MMP25: variants seen among roughly 807,000 people sequenced by gnomAD.
The protein encoded by MMP25 is matrix metallopeptidase 25, also known as matrix metalloproteinase-25.
In MMP25, 68 loss-of-function variants were observed where a neutral mutation model predicts 62.1. That is an observed-to-expected ratio of 1.10 (90% CI 0.90 to 1.34). The LOEUF (loss-of-function observed/expected upper bound fraction) is 1.34. Ranked by LOEUF, MMP25 falls within the 40% of genes most tolerant of loss-of-function variation. The pLI, the probability that MMP25 is intolerant of heterozygous loss-of-function variation, is 0.00. For synonymous variants in MMP25, 407 were observed against 345.6 expected (o/e 1.18, Z -1.97); for missense variants, 942 against 792.5 (o/e 1.19, Z -2.26).
chr16:3,052,437 A>G (rs1354626360), intron 4 of MMP25: 1 of 152,360 alleles, frequency 6.6e-6, no homozygotes, highest in Non-Finnish European at 1.5e-5. Flanking sequence ...GGGGTTTTGC[A>G]TTCCGGAACT....
At position 3,060,083 on chromosome 16, in the gene MMP25, C is replaced by T. The variant is rs541904141; in HGVS notation, c.*985C>T. On this transcript the variant is annotated 3_prime_UTR_variant, in exon 10 of 10. Transcript: ENST00000336577. Reference sequence around the variant, plus strand: ...GGTCATTGCCTCCTCAGCACTCCCTCCTGGGAGGCCTTAGCTCTAGAGTGA... The same window carrying T: ...GGTCATTGCCTCCTCAGCACTCCCTTCTGGGAGGCCTTAGCTCTAGAGTGA... 1 of 152,400 alleles carries T rather than the reference C, an allele frequency of 6.6e-6. No homozygotes were observed. Among genetic ancestry groups the T allele is most frequent in the South Asian group, 2.1e-4 (1 of 4,828 alleles). 9.4% of individuals were successfully genotyped at this position (152,400 alleles called of 1,614,324 possible).
chr16:3,058,682 G>A lies in MMP25; in HGVS notation c.1417+13G>A, dbSNP rs1045292397. On this transcript the variant is annotated intron_variant, in intron 9 of 9. Transcript: ENST00000336577. ...GTCAGCAACGCAGGTGGGGAGCGCG[G>A]TGACCTGCGGGTTACTGGGCCTGGG... 3.0e-5 allele frequency: 47 copies of A among 1,588,190 alleles called. No individual in the cohort carries two copies. The highest frequency in any genetic ancestry group is 3.9e-5 in the Non-Finnish European group (46 of 1,166,098).
rs1182105619 is a variant in MMP25 at position 3,047,487 on chromosome 16, T to C, written c.172T>C (p.Leu58=). The change falls in exon 2 of 10, where the codon TTG becomes CTG. Residue 58 remains leucine, a synonymous_variant. Coordinates refer to ENST00000336577, the MANE Select transcript of MMP25 (RefSeq NM_022468.5). The part of the protein sequence containing the change: ...AQAQLQSPEK[L]RDAIKVMQRF... The stretch of plus-strand genomic sequence containing the variant: ...GGCCCAGCTGCAGAGCCCTGAGAAG[T>C]TGCGCGATGCCATCAAAGTCATGCA... The C allele has an allele frequency of 1.2e-6, 2 of 1,613,684 alleles. No individual in the cohort carries two copies. The highest frequency in any genetic ancestry group is 2.7e-5 in the African/African-American group (2 of 74,868).
At chr16:3,058,739 TGGAG>T in intron 9 of MMP25, 70 bp downstream of exon 9, 1 of 1,508,530 alleles carries the variant, frequency 6.6e-7, no homozygotes. Context: ...AATGGGGACA[TGGAG>T]GCCACCCTGC....
chr16:3,057,711 T>A, intron 7 of MMP25, 98 bp downstream of exon 7: 1 of 1,125,052 alleles, frequency 8.9e-7, no homozygotes, highest in Non-Finnish European at 1.4e-6. Flanking sequence ...AACTTTTTTC[T>A]TCTTTGAGAC....
rs1043450101 is a variant in MMP25, at chr16:3,058,172, C to T, written c.1007-9C>T. On this transcript the variant is annotated splice_polypyrimidine_tract_variant and intron_variant, in intron 7 of 9. Coordinates refer to ENST00000336577, the MANE Select transcript of MMP25 (RefSeq NM_022468.5). Reference sequence around the variant, plus strand: ...CATGCCTTCCTGCGAACCCCTTTGTCCCCTGCAGGCCCCTGGTTCTGGCGC... The same window carrying T: ...CATGCCTTCCTGCGAACCCCTTTGTTCCCTGCAGGCCCCTGGTTCTGGCGC... The T allele has an allele frequency of 1.2e-6, 2 of 1,611,772 alleles. No homozygotes were observed. Among genetic ancestry groups the T allele is most frequent in the African/African-American group, 1.3e-5 (1 of 74,482 alleles).
chr16:3,058,236 A>G lies in MMP25; in HGVS notation c.1062A>G (p.Ala354=), dbSNP rs757119718. The G allele has an allele frequency of 1.9e-6, 3 of 1,611,712 alleles. No homozygotes were observed. The highest frequency in any genetic ancestry group is 1.7e-5 in the Admixed American group (1 of 59,852). ...GACAGCTGGTGTCCCCGCGACCCGC[A>G]CGGCTGCACCGCTTCTGGGAGGGGC... ...PSGQLVSPRP[A]RLHRFWEGLP... is the part of the protein sequence containing the mutation. Residue 354 remains alanine (A), a synonymous_variant, in exon 8 of 10, where the codon GCA becomes GCG. Coordinates refer to ENST00000336577, the MANE Select transcript of MMP25 (RefSeq NM_022468.5).
chr16:3,048,476 G>C (rs890217126), intron 2 of MMP25, among the ~76,000 whole-genome samples: 2 of 152,210 alleles, frequency 1.3e-5, no homozygotes, highest in African/African-American at 4.8e-5. Context: ...TCAGATGGCG[G>C]TGAGTGTTTA....
In MMP25 at chr16:3,058,761, G is replaced by T. The variant is rs953364502; in HGVS notation, c.1418-66G>T. 3.2e-5 allele frequency: 48 copies of T among 1,510,756 alleles called. No homozygotes were observed. In the Admixed American group the frequency reaches 7.8e-4, roughly 24 times the overall value. 93.6% of individuals were successfully genotyped at this position (1,510,756 alleles called of 1,614,324 possible). ...ACATGGAGGCCACCCTGCGGGGATG[G>T]GGGTCCTTGGGCATCAGGGAGCGGC... is the stretch of plus-strand genomic sequence containing the variant. On this transcript the variant is annotated intron_variant, in intron 9 of 9. Transcript: ENST00000336577.
chr16:3,056,692 G>T, intron 4 of MMP25: 1 of 245,254 alleles, frequency 4.1e-6, no homozygotes, highest in South Asian at 8.4e-5. Context: ...TGGGTTTACA[G>T]GCATGAGCCA....
chr16:3,047,266 G>A (rs940994286), intron 1 of MMP25, 149 bp from the exon 2 acceptor site: 2 of 1,224,968 alleles, frequency 1.6e-6, no homozygotes, highest in Admixed American at 5.2e-5. Context: ...ACTGAAGCGG[G>A]GACCTATGGA....
At position 3,058,419 on chromosome 16, in the gene MMP25, G is replaced by A; in HGVS notation, c.1167G>A (p.Gln389=). 4 of 1,565,524 alleles carry A rather than the reference G, an allele frequency of 2.6e-6. No homozygotes were observed. The highest frequency in any genetic ancestry group is 3.5e-6 in the Non-Finnish European group (4 of 1,155,692). The change falls in exon 9 of 10, where the codon CAG becomes CAA. Residue 389 remains glutamine, a synonymous_variant. Transcript: ENST00000336577. ...DGRILLFSGP[Q]FWVFQDRQLE... is the part of the protein sequence containing the mutation. Reference sequence around the variant, plus strand: ...CCGGCCTCCACCCTGCAGGGCCCCAGTTCTGGGTGTTCCAGGACCGGCAGC... The same window carrying A: ...CCGGCCTCCACCCTGCAGGGCCCCAATTCTGGGTGTTCCAGGACCGGCAGC...
In MMP25 at chr16:3,059,131, C is replaced by T. The variant is rs1956073130; in HGVS notation, c.*33C>T. ...AGCCATCCAGACCGAACAGCGCCCT[C>T]CACGGCCGAGTCCCCCGCCGCTGGA... On this transcript the variant is annotated 3_prime_UTR_variant, in exon 10 of 10. Transcript: ENST00000336577. 1 of 1,491,878 alleles carries T rather than the reference C, an allele frequency of 6.7e-7. No individual in the cohort carries two copies. The highest frequency in any genetic ancestry group is 1.3e-5 in the South Asian group (1 of 76,390). 92.4% of individuals were successfully genotyped at this position (1,491,878 alleles called of 1,614,324 possible). A position where few individuals can be genotyped will look rare whatever the true frequency, so the allele number is the denominator to read the frequency against.
Position 3,047,465 on chromosome 16 carries a change from C to A in MMP25, c.150C>A (p.Ala50=). 6.2e-7 allele frequency: 1 copy of A among 1,613,920 alleles called. No individual in the cohort carries two copies. The part of the protein sequence containing the change: ...GYLPPPHPAQ[A]QLQSPEKLRD... Reference sequence around the variant, plus strand: ...TGCCGCCACCCCACCCTGCCCAGGCCCAGCTGCAGAGCCCTGAGAAGTTGC... The same window carrying A: ...TGCCGCCACCCCACCCTGCCCAGGCACAGCTGCAGAGCCCTGAGAAGTTGC... The change falls in exon 2 of 10, where the codon GCC becomes GCA. Residue 50 remains alanine, a synonymous_variant. Coordinates refer to ENST00000336577, the MANE Select transcript of MMP25 (RefSeq NM_022468.5).
intron 2 of MMP25, among the ~76,000 whole-genome samples, chr16:3,047,916 C>G (rs562123043): frequency 6.6e-6 from 1 of 151,384 alleles, no homozygotes; most frequent in East Asian, 1.9e-4. Flanking sequence ...CTCGGCTCAC[C>G]GCAACCTCTG....
At position 3,058,346 on chromosome 16, in the gene MMP25, G is replaced by T. The variant is rs1380392755; in HGVS notation, c.1159+13G>T. 5.2e-6 allele frequency: 8 copies of T among 1,526,564 alleles called. No individual in the cohort carries two copies. Among genetic ancestry groups the T allele is most frequent in the Non-Finnish European group, 5.3e-6 (6 of 1,139,196 alleles). 94.6% of individuals were successfully genotyped at this position (1,526,564 alleles called of 1,614,324 possible). A position where few individuals can be genotyped will look rare whatever the true frequency, so the allele number is the denominator to read the frequency against. On this transcript the variant is annotated intron_variant, in intron 8 of 9. Transcript: ENST00000336577. ...CTCCTCTTTAGCGGTGAGTGGGGCC[G>T]GCGGCGGGGCGCGCTGGGGCCGGCG...
Sources: gnomAD v4.1 joint callset for allele counts (sites outside exome capture counted in the v4.1 genomes callset) on GRCh38, gnomAD v4.1.1 for gene constraint, MANE v1.5 for transcripts, NCBI Gene and HGNC (gene_info 2026-07-23, HGNC 2026-07-21) for gene names.